CAB39L: variants seen among roughly 807,000 people sequenced by gnomAD.
CAB39L encodes calcium binding protein 39 like.
In CAB39L, 23 loss-of-function variants were observed where a neutral mutation model predicts 39.1. The ratio of observed to expected loss-of-function variants is 0.59; its 90% CI spans 0.42 to 0.83. CAB39L has a LOEUF of 0.83. Among genes scored for constraint, CAB39L ranks in the 40% least tolerant of loss-of-function variants. The pLI, the probability that CAB39L is intolerant of heterozygous loss-of-function variation, is 0.00. For missense variants in CAB39L, 366 were observed against 391.9 expected (o/e 0.93, Z 0.56); for synonymous variants, 126 against 137.2 (o/e 0.92, Z 0.57).
At chr13:49,359,140 T>C (rs568344871) in intron 6 of CAB39L, among the ~76,000 whole-genome samples, 1 of 152,274 alleles carries the variant, frequency 6.6e-6, no homozygotes, top group African/African-American at 2.4e-5. Context: ...AGATCTCCAG[T>C]CTTTATGATT....
chr13:49,358,545 T>C (rs555385196), intron 6 of CAB39L, among the ~76,000 whole-genome samples: 3 of 152,166 alleles, frequency 2.0e-5, no homozygotes, highest in South Asian at 2.1e-4. Flanking sequence ...CTTTGGGTAA[T>C]AGGACTGAAA....
chr13:49,441,361 G>T (rs1357467905), intron 1 of CAB39L, among the ~76,000 whole-genome samples: 1 of 151,772 alleles, frequency 6.6e-6, no homozygotes, highest in Non-Finnish European at 1.5e-5. Context: ...GATCACTGGA[G>T]TCCAGGAGTT....
intron 10 of CAB39L, among the ~76,000 whole-genome samples, chr13:49,325,153 A>T (rs1954461063): frequency 6.6e-6 from 1 of 152,242 alleles, no homozygotes; most frequent in African/African-American, 2.4e-5. Context: ...TGTTTTATGA[A>T]TTTTTAAAGA....
intron 10 of CAB39L, among the ~76,000 whole-genome samples, chr13:49,325,581 G>C (rs1954474753): frequency 6.6e-6 from 1 of 152,160 alleles, no homozygotes; most frequent in Admixed American, 6.5e-5. Context: ...CTGAGGTCGG[G>C]AGTTTGAGAC....
rs60080189 is a variant in CAB39L at position 49,400,443 on chromosome 13, A to AACACACACAC, written c.-31-17512_-31-17503dup. On this transcript the variant is annotated intron_variant, in intron 3 of 10. Coordinates refer to ENST00000409308, the MANE Select transcript of CAB39L (RefSeq NM_001079670.3). ...TTGCTCTATTGCTTATACAAACACA[A>AACACACACAC]ACACACACACACACACACACACACA... is the stretch of plus-strand genomic sequence containing the variant. 2.2e-5 allele frequency among the ~76,000 whole-genome samples: 3 copies of AACACACACAC among 138,622 alleles called. No individual in the cohort carries two copies. The East Asian group carries it at 6.2e-4, about 29-fold the overall frequency. The allele number at this position is 138,622 out of a possible 152,430, so 90.9% of individuals were successfully genotyped here. A position where few individuals can be genotyped will look rare whatever the true frequency, so the allele number is the denominator to read the frequency against.
intron 8 of CAB39L, among the ~76,000 whole-genome samples, chr13:49,342,633 C>G (rs1955037881): frequency 6.6e-6 from 1 of 152,086 alleles, no homozygotes; most frequent in Admixed American, 6.5e-5. Context: ...TGCCAAAAAT[C>G]CCAGTAAAAA....
At chr13:49,400,794 T>A (rs958319624) in intron 3 of CAB39L, among the ~76,000 whole-genome samples, 2 of 152,142 alleles carry the variant, frequency 1.3e-5, no homozygotes, top group Non-Finnish European at 2.9e-5. Flanking sequence ...CTAATTTTCA[T>A]GCAGTTGAAA....
At chr13:49,386,018 T>C (rs2138603011) in intron 3 of CAB39L, among the ~76,000 whole-genome samples, 1 of 152,238 alleles carries the variant, frequency 6.6e-6, no homozygotes, top group African/African-American at 2.4e-5. Context: ...ACACGGTGTC[T>C]TCAAAGCACA....
chr13:49,432,012 C>T (rs1262769029), intron 3 of CAB39L, among the ~76,000 whole-genome samples: 1 of 151,940 alleles, frequency 6.6e-6, no homozygotes, highest in Non-Finnish European at 1.5e-5. Flanking sequence ...AATAACTAAG[C>T]TGAGTAAAAG....
At chr13:49,335,309 GT>G (rs1954818744) in intron 9 of CAB39L, among the ~76,000 whole-genome samples, 1 of 152,132 alleles carries the variant, frequency 6.6e-6, no homozygotes. Flanking sequence ...TATGAGTTAA[GT>G]TCAGATTAGG....
chr13:49,359,777 G>A lies in CAB39L; in HGVS notation c.332C>T (p.Thr111Ile), dbSNP rs1566088836. 1.2e-6 allele frequency: 2 copies of A among 1,613,264 alleles called. No individual in the cohort carries two copies. Among genetic ancestry groups the A allele is most frequent in the East Asian group, 2.2e-5 (1 of 44,862 alleles). ...AATATACTCCACAGTAGGACTCCGA[G>A]TGCCTATCTGTCTTCTCAAGATGTT... Reference protein sequence around the residue: ...FNNILRRQIGTRSPTVEYISA... With the variant: ...FNNILRRQIGIRSPTVEYISA... The change falls in exon 6 of 11, where the codon ACT becomes ATT. Residue 111 changes from threonine to isoleucine, a missense_variant. By Grantham distance (89) the Thr-to-Ile change is moderately conservative (BLOSUM62 -1). Coordinates refer to ENST00000409308, the MANE Select transcript of CAB39L (RefSeq NM_001079670.3).
chr13:49,385,477 T>C (rs531551194), intron 3 of CAB39L, among the ~76,000 whole-genome samples: 1 of 152,370 alleles, frequency 6.6e-6, no homozygotes, highest in South Asian at 2.1e-4. Flanking sequence ...CTTTTCATTT[T>C]CTTCAAGAAC....
chr13:49,389,493 T>G (rs574941894), intron 3 of CAB39L, among the ~76,000 whole-genome samples: 2 of 151,878 alleles, frequency 1.3e-5, no homozygotes, highest in Non-Finnish European at 2.9e-5. Context: ...ATACAAAAAT[T>G]AGCTGGGTGT....
intron 10 of CAB39L, among the ~76,000 whole-genome samples, chr13:49,319,150 A>G (rs1954276446): frequency 6.6e-6 from 1 of 152,162 alleles, no homozygotes; most frequent in Non-Finnish European, 1.5e-5. Flanking sequence ...AGGCTGAGGC[A>G]GAAGAATCCC....
intron 3 of CAB39L, among the ~76,000 whole-genome samples, chr13:49,383,316 C>A (rs970779854): frequency 1.3e-5 from 2 of 151,982 alleles, no homozygotes; most frequent in Admixed American, 6.6e-5. Flanking sequence ...TAATGCTTAG[C>A]TGCTATTATT....
intron 8 of CAB39L, among the ~76,000 whole-genome samples, chr13:49,343,649 CAG>C (rs1337138723): frequency 8.0e-5 from 12 of 150,764 alleles, no homozygotes; most frequent in Non-Finnish European, 1.5e-4. Context: ...GGGAGAGAGA[CAG>C]AGACAGAAAG....
chr13:49,390,476 G>A (rs567264180), intron 3 of CAB39L, among the ~76,000 whole-genome samples: 1 of 152,142 alleles, frequency 6.6e-6, no homozygotes, highest in Non-Finnish European at 1.5e-5. Context: ...AACTAGTACA[G>A]TCCCTCGCTA....
chr13:49,388,686 T>C (rs971532621), intron 3 of CAB39L, among the ~76,000 whole-genome samples: 3 of 152,184 alleles, frequency 2.0e-5, no homozygotes, highest in African/African-American at 7.2e-5. Flanking sequence ...GGAGCCTGTA[T>C]ATTGTTGGCA....
At chr13:49,415,669 C>T (rs1957073947) in intron 3 of CAB39L, among the ~76,000 whole-genome samples, 1 of 151,946 alleles carries the variant, frequency 6.6e-6, no homozygotes, top group South Asian at 2.1e-4. Context: ...TTTAAGGGCA[C>T]AGGAAGGGTG....
Sources: allele counts gnomAD v4.1 joint callset (sites outside exome capture counted in the v4.1 genomes callset), GRCh38; gene constraint gnomAD v4.1.1; transcripts MANE v1.5; gene names NCBI Gene and HGNC (gene_info 2026-07-23, HGNC 2026-07-21).